ZMYM4: variants seen among roughly 807,000 people sequenced by gnomAD.
ZMYM4 encodes zinc finger MYM-type containing 4.
A neutral mutation model predicts 183.2 loss-of-function variants in ZMYM4; 31 were observed. That is an observed-to-expected ratio of 0.17 (90% CI 0.13 to 0.23). ZMYM4 has a LOEUF of 0.23. Ranked by LOEUF, ZMYM4 falls within the 10% of genes least tolerant of loss-of-function variation. The pLI, the probability that ZMYM4 is intolerant of heterozygous loss-of-function variation, is 1.00. For synonymous variants in ZMYM4, 592 were observed against 631.2 expected (o/e 0.94, Z 0.93); for missense variants, 1,273 against 1,840.3 (o/e 0.69, Z 5.64).
intron 1 of ZMYM4, among the ~76,000 whole-genome samples, chr1:35,269,641 G>A (rs1236721747): frequency 1.3e-5 from 2 of 152,164 alleles, no homozygotes; most frequent in Non-Finnish European, 2.9e-5. Context: ...TGATTTAGGA[G>A]AAAGATTTTG....
rs553590258 is a variant in ZMYM4, at chr1:35,296,997, G to A, written c.39+27912G>A. On this transcript the variant is annotated intron_variant, in intron 1 of 29. Transcript: ENST00000314607. The stretch of plus-strand genomic sequence containing the variant: ...CCTGAGTAGCTAGGATTACAGGCGT[G>A]CGCCACCACACCCTGCTAACGTTTG... 3.3e-5 allele frequency among the ~76,000 whole-genome samples: 5 copies of A among 151,814 alleles called. No individual in the cohort carries two copies. The East Asian group carries it at 9.7e-4, about 30-fold the overall frequency.
intron 15 of ZMYM4, among the ~76,000 whole-genome samples, chr1:35,390,981 G>A (rs182611734): frequency 3.0e-4 from 45 of 152,198 alleles, no homozygotes; most frequent in South Asian, 6.2e-4. Context: ...TGGAGTGAGC[G>A]GTGACCACAG....
intron 2 of ZMYM4, among the ~76,000 whole-genome samples, chr1:35,349,180 G>T (rs998510220): frequency 2.6e-5 from 4 of 152,030 alleles, no homozygotes; most frequent in African/African-American, 9.7e-5. Flanking sequence ...TAGAGACGGG[G>T]TTTTGCCCTG....
intron 1 of ZMYM4, among the ~76,000 whole-genome samples, chr1:35,271,738 A>G (rs181226698): frequency 9.6e-4 from 146 of 152,332 alleles, no homozygotes; most frequent in Non-Finnish European, 3.2e-4. Flanking sequence ...CCTATAACAT[A>G]CGCAGGACTT....
intron 1 of ZMYM4, among the ~76,000 whole-genome samples, chr1:35,282,896 A>G (rs532976079): frequency 6.7e-6 from 1 of 149,534 alleles, no homozygotes; most frequent in East Asian, 1.9e-4. Context: ...CAGGGGCTAT[A>G]ACATTTTCCA....
At chr1:35,360,464 C>T (rs1240874412) in intron 3 of ZMYM4, among the ~76,000 whole-genome samples, 1 of 152,166 alleles carries the variant, frequency 6.6e-6, no homozygotes, top group East Asian at 1.9e-4. Flanking sequence ...AAAGAACAAA[C>T]CAGTATTGTT....
rs768220302 is a variant in ZMYM4, at chr1:35,398,483, A to C, written c.3253+17A>C. 6.2e-7 allele frequency: 1 copy of C among 1,606,258 alleles called. No homozygotes were observed. The highest frequency in any genetic ancestry group is 8.5e-7 in the Non-Finnish European group (1 of 1,175,738). On this transcript the variant is annotated intron_variant, in intron 21 of 29. Transcript: ENST00000314607. ...TTGAAAAAGGTTTGTAGTTGAAAAT[A>C]TGTTTTGATTTTTAGAAATACTACC...
intron 2 of ZMYM4, among the ~76,000 whole-genome samples, chr1:35,349,360 A>G (rs1214179751): frequency 6.6e-6 from 1 of 152,172 alleles, no homozygotes; most frequent in Non-Finnish European, 1.5e-5. Flanking sequence ...TGATTGGTAA[A>G]TGTGCTTTTG....
At chr1:35,370,727 C>CTT (rs3066096) in intron 7 of ZMYM4, 100 bp downstream of exon 7, 35,913 of 279,250 alleles carry the variant, frequency 0.13, 604 homozygotes, top group Non-Finnish European at 0.14. Flanking sequence ...ACATTTATTC[C>CTT]TTTTTTTTTT....
intron 1 of ZMYM4, among the ~76,000 whole-genome samples, chr1:35,275,073 A>G (rs939669502): frequency 6.6e-6 from 1 of 152,370 alleles, no homozygotes; most frequent in African/African-American, 2.4e-5. Context: ...CTTAGGAATC[A>G]TTAAGTTAAC....
chr1:35,360,775 G>A (rs953676215), intron 3 of ZMYM4, among the ~76,000 whole-genome samples: 2 of 151,986 alleles, frequency 1.3e-5, no homozygotes, highest in Admixed American at 1.3e-4. Flanking sequence ...TTAGAAGAGA[G>A]ATGATTTTTA....
At chr1:35,350,825 G>A in intron 2 of ZMYM4, 6 of 523,366 alleles carry the variant, frequency 1.1e-5, no homozygotes, top group East Asian at 3.6e-5. Context: ...GCTTGGAAAC[G>A]CTTAGTGATA....
At chr1:35,308,299 T>C (rs573508767) in intron 1 of ZMYM4, among the ~76,000 whole-genome samples, 35 of 152,208 alleles carry the variant, frequency 2.3e-4, no homozygotes, top group Non-Finnish European at 4.1e-4. Flanking sequence ...ACCATAGTAC[T>C]TAATTTTAAG....
intron 7 of ZMYM4, among the ~76,000 whole-genome samples, chr1:35,377,221 A>G (rs765950859): frequency 6.6e-6 from 1 of 152,176 alleles, no homozygotes; most frequent in Non-Finnish European, 1.5e-5. Flanking sequence ...TGTGGACCAT[A>G]TTTTGACTAA....
At chr1:35,358,724 A>G (rs1442133155) in intron 2 of ZMYM4, 1 of 473,278 alleles carries the variant, frequency 2.1e-6, no homozygotes, top group Non-Finnish European at 3.7e-6. Flanking sequence ...GTAGTTTCTC[A>G]AGTTTTGGCT....
intron 1 of ZMYM4, among the ~76,000 whole-genome samples, chr1:35,296,827 TTTTCTTTC>T (rs199637023): frequency 7.4e-6 from 1 of 135,230 alleles, no homozygotes; most frequent in Admixed American, 8.0e-5. Flanking sequence ...TACCTTTTCT[TTTTCTTTC>T]TTTCTTTCTT....
intron 1 of ZMYM4, among the ~76,000 whole-genome samples, chr1:35,305,907 G>C (rs553716369): frequency 1.2e-4 from 19 of 152,170 alleles, no homozygotes; most frequent in South Asian, 4.2e-4. Flanking sequence ...ATAATATCAG[G>C]GTTTTTTTAT....
At chr1:35,410,574 C>A (rs529459099) in intron 26 of ZMYM4, among the ~76,000 whole-genome samples, 1 of 151,726 alleles carries the variant, frequency 6.6e-6, no homozygotes, top group Non-Finnish European at 1.5e-5. Context: ...CTGCAAGCTG[C>A]GCATCCCAGG....
At chr1:35,358,717 GTTTC>G (rs1388501237) in intron 2 of ZMYM4, 2 of 463,734 alleles carry the variant, frequency 4.3e-6, no homozygotes, top group Non-Finnish European at 7.5e-6. Context: ...ACCTAAAGTA[GTTTC>G]TCAAGTTTTG....
Sources: allele counts gnomAD v4.1 joint callset (sites outside exome capture counted in the v4.1 genomes callset), GRCh38; gene constraint gnomAD v4.1.1; transcripts MANE v1.5; gene names NCBI Gene and HGNC (gene_info 2026-07-23, HGNC 2026-07-21).